The following CAND1 variants were observed in gnomAD, a reference collection of about 807,000 sequenced individuals.
The protein encoded by CAND1 is cullin-associated NEDD8-dissociated protein 1.
In CAND1, 7 loss-of-function variants were observed where a neutral mutation model predicts 108.5. The ratio of observed to expected loss-of-function variants is 0.06; its 90% CI spans 0.04 to 0.12. The LOEUF (loss-of-function observed/expected upper bound fraction) is 0.12. CAND1 is among the 10% of genes least tolerant of loss of function. The pLI is 1.00. For synonymous variants in CAND1, 534 were observed against 512.0 expected (o/e 1.04, Z -0.58); for missense variants, 941 against 1,448.7 (o/e 0.65, Z 5.69).
At chr12:67,292,583 A>C (rs1423283632) in intron 2 of CAND1, 39 bp from the exon 3 acceptor site, 1 of 1,508,116 alleles carries the variant, frequency 6.6e-7, no homozygotes, top group African/African-American at 1.4e-5. Flanking sequence ...TTTTGTGCTT[A>C]TCTAGCTTTT....
intron 3 of CAND1, among the ~76,000 whole-genome samples, chr12:67,293,419 A>G (rs1053924287): frequency 1.3e-5 from 2 of 152,220 alleles, no homozygotes; most frequent in African/African-American, 4.8e-5. Flanking sequence ...GCAAAAGGTG[A>G]GATTATCACC....
intron 2 of CAND1, among the ~76,000 whole-genome samples, chr12:67,282,477 G>C (rs2044629126): frequency 6.6e-6 from 1 of 151,954 alleles, no homozygotes; most frequent in South Asian, 2.1e-4. Context: ...GTCTCACCTT[G>C]TCTCCCAGGT....
In CAND1 at chr12:67,309,971, A is replaced by T; in HGVS notation, c.3096A>T (p.Ser1032=). ...GAGTAGCCTTGGTCACATTTAATTC[A>T]GCAGCACATAACAAGCCATCATTAA... is the stretch of plus-strand genomic sequence containing the variant. ...VRRVALVTFN[S]AAHNKPSLIR... Residue 1032 remains serine (S), a synonymous_variant, in exon 12 of 15, where the codon TCA becomes TCT. Transcript: ENST00000545606. The T allele has an allele frequency of 6.2e-7, 1 of 1,612,742 alleles. No homozygotes were observed. The highest frequency in any genetic ancestry group is 8.5e-7 in the Non-Finnish European group (1 of 1,178,942).
In CAND1 at chr12:67,301,556, C is replaced by T. The variant is rs147940969; in HGVS notation, c.1001-767C>T. 2.6e-3 allele frequency among the ~76,000 whole-genome samples: 389 copies of T among 152,174 alleles called. 3 individuals are homozygous for T. Among genetic ancestry groups the T allele is most frequent in the African/African-American group, 9.2e-3 (382 of 41,538 alleles). ...GAGATTTCACACACATGTTATCCAT[C>T]AAGTATAGATAAGTGAGATACAATT... On this transcript the variant is annotated intron_variant, in intron 7 of 14. Coordinates refer to ENST00000545606, the MANE Select transcript of CAND1 (RefSeq NM_018448.5).
Position 67,307,393 on chromosome 12 carries a change from C to A in CAND1, c.2930-4C>A. ...CAATAGACTTGCAATTTATTTTTAA[C>A]TAGGCTCATCATATGCCCGAAGCTC... is the stretch of plus-strand genomic sequence containing the variant. On this transcript the variant is annotated splice_region_variant and splice_polypyrimidine_tract_variant and intron_variant, in intron 10 of 14. Transcript: ENST00000545606. The A allele has an allele frequency of 6.2e-7, 1 of 1,607,106 alleles. No individual in the cohort carries two copies. The highest frequency in any genetic ancestry group is 8.5e-7 in the Non-Finnish European group (1 of 1,175,182).
In CAND1 at chr12:67,309,996, A is replaced by G; in HGVS notation, c.3121A>G (p.Ile1041Val). ...AGCAGCACATAACAAGCCATCATTAATAAGGGATCTATTGGATACTGTTCT... is the reference window on the plus strand; with the variant it reads ...AGCAGCACATAACAAGCCATCATTAGTAAGGGATCTATTGGATACTGTTCT... The part of the protein sequence containing the change: ...NSAAHNKPSL[I>V]RDLLDTVLPH... The change falls in exon 12 of 15, where the codon ATA becomes GTA. Residue 1041 changes from isoleucine to valine, a missense_variant. This residue lies in a region of CAND1 where 106 missense variants were observed against 182.0 expected (regional missense o/e 0.58). Transcript: ENST00000545606. The G allele has an allele frequency of 6.2e-7, 1 of 1,612,338 alleles. No homozygotes were observed. Among genetic ancestry groups the G allele is most frequent in the South Asian group, 1.1e-5 (1 of 90,998 alleles).
chr12:67,303,523 A>G (rs538674816), intron 8 of CAND1, among the ~76,000 whole-genome samples: 2 of 152,204 alleles, frequency 1.3e-5, no homozygotes, highest in Non-Finnish European at 2.9e-5. Flanking sequence ...AATTCTGACA[A>G]TGCTATGGAA....
intron 2 of CAND1, among the ~76,000 whole-genome samples, chr12:67,289,614 G>A (rs1250305061): frequency 1.3e-5 from 2 of 152,088 alleles, no homozygotes; most frequent in Admixed American, 6.6e-5. Context: ...CAAGCTCAAG[G>A]AGCCCACTCG....
chr12:67,310,592 T>A (rs2136022265), intron 13 of CAND1: 1 of 219,664 alleles, frequency 4.6e-6, no homozygotes, highest in East Asian at 9.4e-5. Flanking sequence ...CTAGATCCTT[T>A]CCCTCAAAAA....
intron 1 of CAND1, among the ~76,000 whole-genome samples, chr12:67,275,247 T>C (rs1152901): frequency 0.55 from 84,214 of 151,886 alleles, 24,453 homozygotes; most frequent in Non-Finnish European, 0.65. Context: ...CCAATTTAGG[T>C]CTTGTGTGGT....
rs2044992855 is a variant in CAND1 at position 67,314,896 on chromosome 12, A to C, written c.*2066A>C. 1 of 152,254 alleles carries C rather than the reference A, an allele frequency of 6.6e-6. No homozygotes were observed. Among genetic ancestry groups the C allele is most frequent in the South Asian group, 2.1e-4 (1 of 4,830 alleles). The allele number at this position is 152,254 out of a possible 1,614,324, so 9.4% of individuals were successfully genotyped here. A position where few individuals can be genotyped will look rare whatever the true frequency, so the allele number is the denominator to read the frequency against. ...AACAAAATTAGTAACAGCAGTGCTT[A>C]GAATTTCAATGCTGTGTCATACTGA... On this transcript the variant is annotated 3_prime_UTR_variant, in exon 15 of 15. Transcript: ENST00000545606.
chr12:67,279,045 G>T (rs7134160), intron 1 of CAND1, among the ~76,000 whole-genome samples: 11,419 of 152,058 alleles, frequency 0.075, 858 homozygotes, highest in African/African-American at 0.2. Context: ...CAGTGTATGA[G>T]TATATAACGC....
At chr12:67,285,791 G>A (rs951625879) in intron 2 of CAND1, among the ~76,000 whole-genome samples, 2 of 152,106 alleles carry the variant, frequency 1.3e-5, no homozygotes, top group Admixed American at 1.3e-4. Flanking sequence ...CGTAGTATGT[G>A]TTCCTGTGTC....
chr12:67,306,864 A>G (rs907075841), intron 10 of CAND1, among the ~76,000 whole-genome samples: 1 of 152,158 alleles, frequency 6.6e-6, no homozygotes, highest in African/African-American at 2.4e-5. Context: ...ATTGTGTTAA[A>G]ATGTGGAAAA....
At chr12:67,311,961 C>A (rs1272090) in intron 14 of CAND1, among the ~76,000 whole-genome samples, 161 bp downstream of exon 14, 113,189 of 152,058 alleles carry the variant, frequency 0.74, 43,089 homozygotes, top group African/African-American at 0.9. Flanking sequence ...AAAACTTAGC[C>A]CTGTTAACGG....
rs763129156 is a variant in CAND1 at position 67,295,156 on chromosome 12, G to A, written c.491G>A (p.Arg164Lys). The A allele has an allele frequency of 2.5e-6, 4 of 1,609,204 alleles. No homozygotes were observed. The change falls in exon 4 of 15, where the codon AGG (arginine) becomes AAG (lysine). Residue 164 changes from arginine (R) to lysine (K), a missense_variant and splice_region_variant. Around this residue, in one of 9 missense-constraint regions of CAND1, gnomAD observed 697 missense variants for 942.0 expected, o/e 0.74. Coordinates refer to ENST00000545606, the MANE Select transcript of CAND1 (RefSeq NM_018448.5). ...GATATTATGGCTGATATGTTGAGCA[G>A]GTAAGTGTGCCTGTTTATTTCCGTT... ...ALDIMADMLS[R>K]QGGLLVNFHP...
In CAND1 at chr12:67,312,719, G is replaced by A. The variant is rs1188336242; in HGVS notation, c.3582G>A (p.Leu1194=). 2.5e-6 allele frequency: 4 copies of A among 1,613,748 alleles called. No individual in the cohort carries two copies. Among genetic ancestry groups the A allele is most frequent in the African/African-American group, 2.7e-5 (2 of 74,928 alleles). Residue 1194 remains leucine (L), a synonymous_variant, in exon 15 of 15, where the codon CTG becomes CTA. Transcript: ENST00000545606. ...LTIPEAEKSP[L]MSEFQSQISS... Reference sequence around the variant, plus strand: ...TTCCAGAAGCAGAGAAGAGTCCACTGATGAGTGAATTCCAGTCACAGATCA... The same window carrying A: ...TTCCAGAAGCAGAGAAGAGTCCACTAATGAGTGAATTCCAGTCACAGATCA...
At chr12:67,273,637 C>G (rs979247072) in intron 1 of CAND1, among the ~76,000 whole-genome samples, 1 of 152,012 alleles carries the variant, frequency 6.6e-6, no homozygotes. Context: ...GTGCGCACCA[C>G]CACACTCAGC....
rs773534586 is a variant in CAND1, at chr12:67,299,037, TGATGAA to T, written c.955_960del (p.Asp319_Glu320del). 1.2e-4 allele frequency: 173 copies of T among 1,496,306 alleles called. No homozygotes were observed. The highest frequency in any genetic ancestry group is 1.5e-4 in the Non-Finnish European group (160 of 1,076,652). The allele number at this position is 1,496,306 out of a possible 1,614,324, so 92.7% of individuals were successfully genotyped here. On this transcript the variant is annotated inframe_deletion, in exon 7 of 15. Coordinates refer to ENST00000545606, the MANE Select transcript of CAND1 (RefSeq NM_018448.5). ...CCTATGATCCAAATTATAATTACGA[TGATGAA>T]GATGAAGATGAAAATGCAATGGATG...
Sources: gnomAD v4.1 joint callset for allele counts (sites outside exome capture counted in the v4.1 genomes callset) on GRCh38, gnomAD v4.1.1 for gene constraint, gnomAD v4.1.1 regional missense constraint, MANE v1.5 for transcripts, NCBI Gene and HGNC (gene_info 2026-07-23, HGNC 2026-07-21) for gene names.